RFTN1: variants seen among roughly 807,000 people sequenced by gnomAD.
The protein encoded by RFTN1 is raftlin, lipid raft linker 1.
A neutral mutation model predicts 46.5 loss-of-function variants in RFTN1; 26 were observed. The ratio of observed to expected loss-of-function variants is 0.56; its 90% CI spans 0.41 to 0.78. RFTN1 has a LOEUF of 0.78. RFTN1 is among the 30% of genes least tolerant of loss of function. RFTN1 has a pLI of 0.00. For missense variants in RFTN1, 693 were observed against 718.7 expected, an observed-to-expected ratio of 0.96 and a Z score of 0.41; for synonymous variants, 261 against 284.2, an observed-to-expected ratio of 0.92 and a Z score of 0.82.
chr3:16,430,720 G>A (rs1441528571), intron 3 of RFTN1, among the ~76,000 whole-genome samples: 2 of 152,162 alleles, frequency 1.3e-5, no homozygotes, highest in Non-Finnish European at 2.9e-5. Context: ...CTCTGGATCT[G>A]CTTGTCCAGG....
chr3:16,383,766 TAGGAAA>T lies in RFTN1; in HGVS notation c.442-5670_442-5665del, dbSNP rs1559311726. On this transcript the variant is annotated intron_variant, in intron 4 of 9. Coordinates refer to ENST00000334133, the MANE Select transcript of RFTN1 (RefSeq NM_015150.2). The surrounding 1 kb of genome is among the most constrained non-coding windows in gnomAD (Gnocchi z 4.0). ...ATAAAAATGAAGGCTATATGGAACA[TAGGAAA>T]AGGAAGAGAAAAGCCTCCTGCTCAC... Among the ~76,000 whole-genome samples, 2 of 151,994 alleles carry T rather than the reference TAGGAAA, an allele frequency of 1.3e-5. No homozygotes were observed. The highest frequency in any genetic ancestry group is 2.4e-5 in the African/African-American group (1 of 41,358).
chr3:16,499,054 T>C lies in RFTN1; in HGVS notation c.-8-5177A>G, dbSNP rs1343125537. Among the ~76,000 whole-genome samples, 1 of 152,192 alleles carries C rather than the reference T, an allele frequency of 6.6e-6. No homozygotes were observed. ...AAGGCAGAGGAAAAGGTCTAAGGAA[T>C]AGTACTGTCAGATGCAGACAGAAGA... On this transcript the variant is annotated intron_variant, in intron 1 of 9. Coordinates refer to ENST00000334133, the MANE Select transcript of RFTN1 (RefSeq NM_015150.2). The surrounding 1 kb of genome is among the most constrained non-coding windows in gnomAD (Gnocchi z 4.9).
intron 4 of RFTN1, among the ~76,000 whole-genome samples, chr3:16,406,581 T>C (rs1032019071): frequency 6.6e-6 from 1 of 152,170 alleles, no homozygotes. Flanking sequence ...AAAAACCAAG[T>C]GTATGACAGG....
At chr3:16,333,952 T>A (rs535849086) in intron 7 of RFTN1, among the ~76,000 whole-genome samples, 1 of 151,696 alleles carries the variant, frequency 6.6e-6, no homozygotes, top group South Asian at 2.1e-4. Context: ...GAGCACGAGG[T>A]CAGGAGATCG....
rs1444160493 is a variant in RFTN1, at chr3:16,449,624, G to A, written c.146-15587C>T. ...TAACGTGACAGACTGTCATGTCCAC[G>A]AGTTGATCCTTAAGTCTCGGAACCA... On this transcript the variant is annotated intron_variant, in intron 2 of 9. Transcript: ENST00000334133. This position sits in a 1 kb window ranked among gnomAD's most constrained non-coding sequence, Gnocchi z 5.1. Among the ~76,000 whole-genome samples the A allele has an allele frequency of 6.6e-6, 1 of 152,128 alleles. No individual in the cohort carries two copies. Among genetic ancestry groups the A allele is most frequent in the Non-Finnish European group, 1.5e-5 (1 of 68,024 alleles).
intron 4 of RFTN1, among the ~76,000 whole-genome samples, chr3:16,408,498 C>T (rs764154302): frequency 2.7e-5 from 4 of 148,840 alleles, no homozygotes; most frequent in East Asian, 2.0e-4. Context: ...TAAGAGAGAA[C>T]AAGATAAGCA....
At chr3:16,332,830 T>C (rs954832176) in intron 7 of RFTN1, among the ~76,000 whole-genome samples, 1 of 124,610 alleles carries the variant, frequency 8.0e-6, no homozygotes, top group Non-Finnish European at 1.7e-5. Flanking sequence ...CTTGTGGGCA[T>C]CGATTTATCT....
At chr3:16,467,272 C>G (rs1419718515) in intron 2 of RFTN1, among the ~76,000 whole-genome samples, 2 of 152,200 alleles carry the variant, frequency 1.3e-5, no homozygotes, top group African/African-American at 4.8e-5. Flanking sequence ...GAATAAACCA[C>G]AGTGCCTTGG....
Position 16,345,342 on chromosome 3 carries a change from A to G in RFTN1, c.1146+12590T>C, listed in dbSNP as rs1452633975. Reference sequence around the variant, plus strand: ...AATTATCTCCCACTTTTTTATCTCAAACACATTGGGAAAACCTAAAGATAT... The same window carrying G: ...AATTATCTCCCACTTTTTTATCTCAGACACATTGGGAAAACCTAAAGATAT... On this transcript the variant is annotated intron_variant, in intron 7 of 9. Transcript: ENST00000334133. The surrounding 1 kb of genome is among the most constrained non-coding windows in gnomAD (Gnocchi z 5.2). 1.3e-5 allele frequency: 2 copies of G among 149,672 alleles called. No individual in the cohort carries two copies. The highest frequency in any genetic ancestry group is 5.0e-5 in the African/African-American group (2 of 39,756). The allele number at this position is 149,672 out of a possible 1,614,324, so 9.3% of individuals were successfully genotyped here. A position where few individuals can be genotyped will look rare whatever the true frequency, so the allele number is the denominator to read the frequency against.
In RFTN1 at chr3:16,356,371, T is replaced by C. The variant is rs7634895; in HGVS notation, c.1146+1561A>G. 0.35 allele frequency among the ~76,000 whole-genome samples: 52,931 copies of C among 152,036 alleles called. 9,996 individuals are homozygous for C. The highest frequency in any genetic ancestry group is 0.49 in the African/African-American group (20,177 of 41,432). ...CCCTCAGGACTTCTGGCCCCTACGC[T>C]AACCAGCCCCGGATGCTGTGACTTT... On this transcript the variant is annotated intron_variant, in intron 7 of 9. Coordinates refer to ENST00000334133, the MANE Select transcript of RFTN1 (RefSeq NM_015150.2). The surrounding 1 kb of genome is among the most constrained non-coding windows in gnomAD (Gnocchi z 4.9).
intron 4 of RFTN1, among the ~76,000 whole-genome samples, chr3:16,391,470 TCA>T (rs1227002860): frequency 6.6e-6 from 1 of 152,232 alleles, no homozygotes; most frequent in East Asian, 1.9e-4. Flanking sequence ...TAGATTTTTC[TCA>T]CAACAGATTT....
At chr3:16,463,554 A>G (rs2076041403) in intron 2 of RFTN1, among the ~76,000 whole-genome samples, 1 of 151,902 alleles carries the variant, frequency 6.6e-6, no homozygotes. Context: ...CTTTGTTTAA[A>G]TTTTTCATAT....
chr3:16,332,437 C>CT (rs533122045), intron 7 of RFTN1, among the ~76,000 whole-genome samples: 280 of 149,148 alleles, frequency 1.9e-3, no homozygotes, highest in African/African-American at 6.5e-3. Context: ...TTTACAGCAT[C>CT]TTGTTTTTGC....
chr3:16,352,761 A>G lies in RFTN1; in HGVS notation c.1146+5171T>C, dbSNP rs1340717968. ...TAATATATTTTCTCTTTTAATTCTC[A>G]TCAATTTTGAGAGGTTGTTACCAGT... On this transcript the variant is annotated intron_variant, in intron 7 of 9. Coordinates refer to ENST00000334133, the MANE Select transcript of RFTN1 (RefSeq NM_015150.2). The surrounding 1 kb of genome is among the most constrained non-coding windows in gnomAD (Gnocchi z 4.6). Among the ~76,000 whole-genome samples the G allele has an allele frequency of 6.6e-6, 1 of 152,112 alleles. No homozygotes were observed. Among genetic ancestry groups the G allele is most frequent in the Non-Finnish European group, 1.5e-5 (1 of 68,012 alleles).
rs566558832 is a variant in RFTN1 at position 16,473,481 on chromosome 3, A to G, written c.145+20244T>C. 1.3e-5 allele frequency among the ~76,000 whole-genome samples: 2 copies of G among 148,592 alleles called. No homozygotes were observed. The highest frequency in any genetic ancestry group is 4.0e-4 in the East Asian group (2 of 4,984). On this transcript the variant is annotated intron_variant, in intron 2 of 9. Transcript: ENST00000334133. This position sits in a 1 kb window ranked among gnomAD's most constrained non-coding sequence, Gnocchi z 5.3. ...AGTGGTGTGATCTCGGCTCACTGCA[A>G]TCTCTGCCTCCTGGGTTCAAGCAAT...
At chr3:16,486,768 A>G (rs1559371133) in intron 2 of RFTN1, among the ~76,000 whole-genome samples, 1 of 152,366 alleles carries the variant, frequency 6.6e-6, no homozygotes, top group Non-Finnish European at 1.5e-5. Context: ...ATACCAATCT[A>G]TAGTCTGGTG....
At position 16,433,485 on chromosome 3, in the gene RFTN1, A is replaced by T. The variant is rs2075435765; in HGVS notation, c.332+366T>A. Among the ~76,000 whole-genome samples the T allele has an allele frequency of 6.6e-6, 1 of 152,156 alleles. No homozygotes were observed. Among genetic ancestry groups the T allele is most frequent in the Admixed American group, 6.5e-5 (1 of 15,286 alleles). On this transcript the variant is annotated intron_variant, in intron 3 of 9. Transcript: ENST00000334133. The surrounding 1 kb of genome is among the most constrained non-coding windows in gnomAD (Gnocchi z 4.4). ...TTGTCTATAGCCTCTAAACAAAATT[A>T]TTTGTTTTCCAGTCATGCCTTTCAG...
intron 1 of RFTN1, among the ~76,000 whole-genome samples, chr3:16,508,849 C>G (rs2076853325): frequency 6.6e-6 from 1 of 152,010 alleles, no homozygotes; most frequent in Non-Finnish European, 1.5e-5. Flanking sequence ...AAAAACACCA[C>G]AGAGCAGCAC....
In RFTN1 at chr3:16,329,439, G is replaced by A. The variant is rs2070074646; in HGVS notation, c.1147-2563C>T. Among the ~76,000 whole-genome samples the A allele has an allele frequency of 6.6e-6, 1 of 152,214 alleles. No homozygotes were observed. The highest frequency in any genetic ancestry group is 1.5e-5 in the Non-Finnish European group (1 of 68,040). ...GAGGTACAAGAATAATCCGTTTACA[G>A]GTGGGGCCAGGAGAGAATGCCATTC... On this transcript the variant is annotated intron_variant, in intron 7 of 9. Coordinates refer to ENST00000334133, the MANE Select transcript of RFTN1 (RefSeq NM_015150.2). The surrounding 1 kb of genome is among the most constrained non-coding windows in gnomAD (Gnocchi z 4.5).
Sources: gnomAD v4.1 joint callset for allele counts (sites outside exome capture counted in the v4.1 genomes callset) on GRCh38, gnomAD v4.1.1 for gene constraint, Gnocchi (gnomAD v3.1) non-coding constraint, MANE v1.5 for transcripts, NCBI Gene and HGNC (gene_info 2026-07-23, HGNC 2026-07-21) for gene names.